Variants in FGF18 observed in about 807,000 individuals in gnomAD.
FGF18 encodes the protein fibroblast growth factor 18.
Under a neutral mutation model 23.0 loss-of-function variants are expected in FGF18, and 5 were observed. The ratio of observed to expected loss-of-function variants is 0.22; its 90% CI spans 0.11 to 0.46. The LOEUF (loss-of-function observed/expected upper bound fraction) is 0.46, where lower values mean the gene tolerates loss of function less well. Among genes scored for constraint, FGF18 ranks in the 20% least tolerant of loss-of-function variants. The probability of loss-of-function intolerance (pLI) is 0.99; values close to 1 mark genes in which losing one functional copy is unlikely to be tolerated. For missense variants in FGF18, 180 were observed against 291.6 expected (o/e 0.62, Z 2.79); for synonymous variants, 117 against 118.9 (o/e 0.98, Z 0.10).
chr5:171,442,176 C>T (rs1337582183), intron 3 of FGF18, among the ~76,000 whole-genome samples: 2 of 152,178 alleles, frequency 1.3e-5, no homozygotes, highest in African/African-American at 4.8e-5. Flanking sequence ...TCCCGATGAA[C>T]CCTATTGGTT....
rs1772434970 is a variant in FGF18, at chr5:171,447,457, TA to T, written c.251-1688del. On this transcript the variant is annotated intron_variant, in intron 3 of 4. Coordinates refer to ENST00000274625, the MANE Select transcript of FGF18 (RefSeq NM_003862.3). ...TGCCCACCGCCATCTCAGCGTTGGT[TA>T]ATATCCCTGAGTCAGTGTTGACTAG... Among the ~76,000 whole-genome samples, 12 of 152,354 alleles carry T rather than the reference TA, an allele frequency of 7.9e-5. 1 individual carries two copies. In the South Asian group the frequency reaches 2.5e-3, roughly 32 times the overall value.
intron 4 of FGF18, among the ~76,000 whole-genome samples, chr5:171,450,217 T>TGAC (rs1772478574): frequency 6.6e-6 from 1 of 151,898 alleles, no homozygotes; most frequent in African/African-American, 2.4e-5. Context: ...GTGGGGGAGA[T>TGAC]GACTTCAGTC....
chr5:171,444,231 C>T (rs1199035849), intron 3 of FGF18, among the ~76,000 whole-genome samples: 1 of 152,116 alleles, frequency 6.6e-6, no homozygotes, highest in Non-Finnish European at 1.5e-5. Flanking sequence ...TCGCTGTTCA[C>T]TCACTCGCTC....
Sources: allele counts gnomAD v4.1 joint callset (sites outside exome capture counted in the v4.1 genomes callset), GRCh38; gene constraint gnomAD v4.1.1; transcripts MANE v1.5; gene names NCBI Gene and HGNC (gene_info 2026-07-23, HGNC 2026-07-21).